PCDH11Y: variants seen among roughly 807,000 people sequenced by gnomAD.
PCDH11Y encodes protocadherin-11 Y-linked.
For synonymous variants in PCDH11Y, 9 were observed against 83.6 expected, an observed-to-expected ratio of 0.11 and a Z score of 4.87; for missense variants, 12 against 224.8, an observed-to-expected ratio of 0.05 and a Z score of 6.05.
chrY:5,589,484 T>C, intron 4 of PCDH11Y, among the ~76,000 whole-genome samples: 3 of 33,576 alleles, frequency 8.9e-5, no homozygotes. Context: ...AATGGACTAA[T>C]ACAAAGACTC....
intron 2 of PCDH11Y, among the ~76,000 whole-genome samples, chrY:5,330,208 G>A: frequency 3.0e-5 from 1 of 32,961 alleles, no homozygotes; most frequent in East Asian, 8.1e-4. Flanking sequence ...GGGAGCTTCT[G>A]ATCCAGGATG....
rs796572254 is a variant in PCDH11Y, at chrY:5,308,358, T to G, written c.3130-192699T>G. Reference sequence around the variant, plus strand: ...TTAAAATCTGGATATATGATAACTATAACTCTATAAAAAGCATCTTAGAGC... The same window carrying G: ...TTAAAATCTGGATATATGATAACTAGAACTCTATAAAAAGCATCTTAGAGC... On this transcript the variant is annotated intron_variant, in intron 2 of 4. Coordinates refer to the PCDH11Y transcript ENST00000400457. 3.9e-3 allele frequency among the ~76,000 whole-genome samples: 129 copies of G among 33,244 alleles called. No individual in the cohort carries two copies. In the East Asian group the frequency reaches 0.088, roughly 23 times the overall value. 89.2% of individuals were successfully genotyped at this position (33,244 alleles called of 37,273 possible). A position where few individuals can be genotyped will look rare whatever the true frequency, so the allele number is the denominator to read the frequency against.
chrY:5,407,772 T>G (rs1602920841), intron 2 of PCDH11Y, among the ~76,000 whole-genome samples: 51 of 31,000 alleles, frequency 1.6e-3, no homozygotes, highest in Admixed American at 2.4e-3. Context: ...AAAAATTAGC[T>G]GGCGTGGTGG....
At chrY:5,428,673 A>G in intron 2 of PCDH11Y, among the ~76,000 whole-genome samples, 1 of 33,530 alleles carries the variant, frequency 3.0e-5, no homozygotes, top group Non-Finnish European at 7.4e-5. Flanking sequence ...ATCAAGTCTT[A>G]TGTACTGTAC....
intron 3 of PCDH11Y, among the ~76,000 whole-genome samples, chrY:5,516,834 C>T: frequency 3.0e-4 from 10 of 33,460 alleles, no homozygotes; most frequent in East Asian, 2.3e-3. Flanking sequence ...ATGTCAGTGA[C>T]TGCTGATTAT....
chrY:5,023,006 C>G (rs2052572615), intron 1 of PCDH11Y, among the ~76,000 whole-genome samples: 1 of 33,743 alleles, frequency 3.0e-5, no homozygotes, highest in Non-Finnish European at 7.3e-5. Context: ...GATATAAACA[C>G]TTTAAAACAC....
chrY:5,597,999 T>C (rs2053469330), intron 4 of PCDH11Y, among the ~76,000 whole-genome samples: 1 of 32,046 alleles, frequency 3.1e-5, no homozygotes, highest in Non-Finnish European at 7.6e-5. Flanking sequence ...AAAGGATGAG[T>C]ATAAATTAAG....
At chrY:5,495,054 GA>G (rs1377629071) in intron 2 of PCDH11Y, among the ~76,000 whole-genome samples, 56 of 16,141 alleles carry the variant, frequency 3.5e-3, no homozygotes, top group Non-Finnish European at 6.2e-3. Context: ...CTCGAAAAAA[GA>G]AAAAAAAAAA....
intron 1 of PCDH11Y, among the ~76,000 whole-genome samples, chrY:5,004,303 C>A: frequency 5.9e-5 from 2 of 33,665 alleles, no homozygotes; most frequent in South Asian, 1.3e-3. Context: ...TTCTGAAGGA[C>A]GTCCAGGTAA....
intron 1 of PCDH11Y, among the ~76,000 whole-genome samples, chrY:5,079,751 G>A: frequency 3.0e-5 from 1 of 33,427 alleles, no homozygotes; most frequent in Non-Finnish European, 7.4e-5. Flanking sequence ...TGAAATCTGC[G>A]GACATGTCCT....
At chrY:5,717,147 A>G in intron 4 of PCDH11Y, among the ~76,000 whole-genome samples, 1 of 33,505 alleles carries the variant, frequency 3.0e-5, no homozygotes, top group Non-Finnish European at 7.4e-5. Flanking sequence ...AAAGTATTAA[A>G]AGGAAACATT....
chrY:5,467,581 A>G, intron 2 of PCDH11Y, among the ~76,000 whole-genome samples: 1 of 32,935 alleles, frequency 3.0e-5, no homozygotes, highest in Non-Finnish European at 7.6e-5. Context: ...TTCTGTGTCA[A>G]TGCTCCTGGT....
At chrY:5,329,341 G>A in intron 2 of PCDH11Y, among the ~76,000 whole-genome samples, 1 of 32,161 alleles carries the variant, frequency 3.1e-5, no homozygotes, top group Non-Finnish European at 7.6e-5. Flanking sequence ...AGAAATAAGG[G>A]ATTGGGGTGC....
chrY:5,537,563 G>T (rs1482674096), intron 3 of PCDH11Y, among the ~76,000 whole-genome samples: 1 of 32,418 alleles, frequency 3.1e-5, no homozygotes, highest in Non-Finnish European at 7.5e-5. Flanking sequence ...TCTCTGGCTC[G>T]TGCAGTTCGT....
chrY:5,085,042 T>C (rs2124632701), intron 1 of PCDH11Y, among the ~76,000 whole-genome samples: 6 of 33,077 alleles, frequency 1.8e-4, no homozygotes, highest in Middle Eastern at 0.014. Flanking sequence ...CCTGCCATTT[T>C]ATTATTTGTT....
At chrY:5,523,161 A>G in intron 3 of PCDH11Y, among the ~76,000 whole-genome samples, 2 of 33,491 alleles carry the variant, frequency 6.0e-5, no homozygotes, top group African/African-American at 1.2e-4. Flanking sequence ...TAAAAAATCA[A>G]TGCCAAGAAA....
At chrY:5,631,971 CTTGACTAAATT>C (rs2053512650) in intron 4 of PCDH11Y, among the ~76,000 whole-genome samples, 1 of 33,130 alleles carries the variant, frequency 3.0e-5, no homozygotes, top group Non-Finnish European at 7.5e-5. Context: ...GACCATCGTT[CTTGACTAAATT>C]TTTACTCTCA....
intron 2 of PCDH11Y, among the ~76,000 whole-genome samples, chrY:5,499,820 C>G: frequency 3.2e-5 from 1 of 30,826 alleles, no homozygotes; most frequent in Non-Finnish European, 7.8e-5. Context: ...ATCAATAGTC[C>G]TTCTTAATTT....
At chrY:5,371,617 G>C in intron 2 of PCDH11Y, among the ~76,000 whole-genome samples, 1 of 33,602 alleles carries the variant, frequency 3.0e-5, no homozygotes, top group Non-Finnish European at 7.3e-5. Flanking sequence ...CTCAAACATG[G>C]CCTAGTGCAG....
Sources: gnomAD v4.1 joint callset for allele counts (sites outside exome capture counted in the v4.1 genomes callset) on GRCh38, gnomAD v4.1.1 for gene constraint, MANE v1.5 for transcripts, NCBI Gene and HGNC (gene_info 2026-07-23, HGNC 2026-07-21) for gene names.